ADAMTS6: variants seen among roughly 807,000 people sequenced by gnomAD.
ADAMTS6 encodes the protein ADAM metallopeptidase with thrombospondin type 1 motif 6, also known as A disintegrin and metalloproteinase with thrombospondin motifs 6.
A neutral mutation model predicts 144.3 loss-of-function variants in ADAMTS6; 23 were observed. The observed-to-expected ratio is 0.16, with a 90% CI of 0.11 to 0.23. The LOEUF is 0.23. Among genes scored for constraint, ADAMTS6 ranks in the 10% least tolerant of loss-of-function variants. ADAMTS6 has a pLI of 1.00. For missense variants in ADAMTS6, 999 were observed against 1,379.6 expected (o/e 0.72, Z 4.37); for synonymous variants, 444 against 457.5 (o/e 0.97, Z 0.38).
At chr5:65,316,807 CA>C (rs1242434900) in intron 9 of ADAMTS6, among the ~76,000 whole-genome samples, 2 of 137,426 alleles carry the variant, frequency 1.5e-5, no homozygotes, top group Non-Finnish European at 3.3e-5. Flanking sequence ...ACATAATAAT[CA>C]TTTTTTTTTT....
chr5:65,466,057 T>C (rs966089266), intron 3 of ADAMTS6, among the ~76,000 whole-genome samples: 1 of 152,232 alleles, frequency 6.6e-6, no homozygotes, highest in African/African-American at 2.4e-5. Context: ...CCAACTGAAC[T>C]CATGATATAC....
At chr5:65,281,440 T>G (rs1311485285) in intron 11 of ADAMTS6, among the ~76,000 whole-genome samples, 1 of 152,168 alleles carries the variant, frequency 6.6e-6, no homozygotes, top group Non-Finnish European at 1.5e-5. Context: ...ATTTATAACA[T>G]CTTCACTCAA....
chr5:65,263,622 G>A (rs889651163), intron 12 of ADAMTS6, among the ~76,000 whole-genome samples: 1 of 152,048 alleles, frequency 6.6e-6, no homozygotes, highest in African/African-American at 2.4e-5. Flanking sequence ...TCTACTCTCC[G>A]TAATAAACCA....
At chr5:65,430,479 A>G (rs1272754918) in intron 7 of ADAMTS6, among the ~76,000 whole-genome samples, 1 of 152,166 alleles carries the variant, frequency 6.6e-6, no homozygotes, top group Non-Finnish European at 1.5e-5. Context: ...TTTAAAACCA[A>G]GCAGGACACT....
intron 2 of ADAMTS6, among the ~76,000 whole-genome samples, chr5:65,472,922 T>G (rs1311253651): frequency 6.6e-6 from 1 of 152,148 alleles, no homozygotes; most frequent in Admixed American, 6.5e-5. Flanking sequence ...TACTATGTAT[T>G]CATGGGAGGG....
In ADAMTS6 at chr5:65,148,873, G is replaced by C. The variant is rs1751987367; in HGVS notation, c.*2963C>G. 6.6e-6 allele frequency: 1 copy of C among 152,512 alleles called. No individual in the cohort carries two copies. Among genetic ancestry groups the C allele is most frequent in the Non-Finnish European group, 1.5e-5 (1 of 68,012 alleles). 9.4% of individuals were successfully genotyped at this position (152,512 alleles called of 1,614,324 possible). ...ATTACAAGCAGGAGAATGAATGTAG[G>C]ACAAGTGTTAGGAAACATGGCAATA... On this transcript the variant is annotated 3_prime_UTR_variant, in exon 25 of 25. Coordinates refer to ENST00000381055, the MANE Select transcript of ADAMTS6 (RefSeq NM_197941.4).
chr5:65,211,912 C>T (rs558862209), intron 20 of ADAMTS6, among the ~76,000 whole-genome samples: 15 of 152,260 alleles, frequency 9.9e-5, no homozygotes, highest in South Asian at 2.1e-4. Flanking sequence ...TACTATGTTT[C>T]GGATATTGTT....
intron 22 of ADAMTS6, among the ~76,000 whole-genome samples, chr5:65,184,420 C>T (rs930867710): frequency 2.6e-5 from 4 of 152,170 alleles, no homozygotes; most frequent in African/African-American, 7.2e-5. Context: ...AACACAGTCC[C>T]TTGTAGGTAG....
At chr5:65,386,156 C>A (rs961336360) in intron 7 of ADAMTS6, among the ~76,000 whole-genome samples, 2 of 152,128 alleles carry the variant, frequency 1.3e-5, no homozygotes, top group African/African-American at 4.8e-5. Context: ...ATATGTTTTT[C>A]TTCTCATTGA....
intron 9 of ADAMTS6, among the ~76,000 whole-genome samples, chr5:65,323,189 A>C (rs995815170): frequency 4.0e-5 from 6 of 151,780 alleles, no homozygotes; most frequent in Admixed American, 3.9e-4. Context: ...CTATGTATAC[A>C]TGTGCCATGT....
intron 24 of ADAMTS6, among the ~76,000 whole-genome samples, chr5:65,169,021 C>A (rs1297644981): frequency 1.7e-5 from 2 of 119,784 alleles, no homozygotes; most frequent in African/African-American, 3.2e-5. Flanking sequence ...CAACAAAAGC[C>A]AAAATTGACA....
intron 21 of ADAMTS6, among the ~76,000 whole-genome samples, chr5:65,191,786 A>C (rs181277709): frequency 6.6e-6 from 1 of 152,284 alleles, no homozygotes; most frequent in Admixed American, 6.5e-5. Context: ...TATACAGTCA[A>C]GGTTTTTCTA....
At chr5:65,457,741 CTTTCTTT>C (rs1561560010) in intron 4 of ADAMTS6, among the ~76,000 whole-genome samples, 1 of 122,204 alleles carries the variant, frequency 8.2e-6, no homozygotes, top group Non-Finnish European at 1.7e-5. Context: ...TTTTTTCTTT[CTTTCTTT>C]TTTTTTTTTT....
chr5:65,382,131 A>G (rs995558511), intron 7 of ADAMTS6, among the ~76,000 whole-genome samples: 1 of 152,226 alleles, frequency 6.6e-6, no homozygotes, highest in Non-Finnish European at 1.5e-5. Flanking sequence ...TGGGAGCACA[A>G]GAGTTCTAAA....
At chr5:65,412,237 A>G (rs965353868) in intron 7 of ADAMTS6, among the ~76,000 whole-genome samples, 4 of 152,188 alleles carry the variant, frequency 2.6e-5, no homozygotes, top group African/African-American at 9.7e-5. Flanking sequence ...GGGAATGTTA[A>G]ATACTAAAAG....
chr5:65,375,615 G>C (rs1338765658), intron 7 of ADAMTS6, among the ~76,000 whole-genome samples: 1 of 151,914 alleles, frequency 6.6e-6, no homozygotes. Context: ...AAAACAACAG[G>C]GGCTGAAGAA....
intron 9 of ADAMTS6, 131 bp from the exon 10 acceptor site, chr5:65,300,262 A>G (rs989082892): frequency 4.1e-6 from 3 of 737,152 alleles, no homozygotes; most frequent in Non-Finnish European, 6.4e-6. Flanking sequence ...CAGATCCTCT[A>G]AAGAAATTTA....
intron 20 of ADAMTS6, among the ~76,000 whole-genome samples, chr5:65,202,740 T>C (rs909224062): frequency 3.9e-5 from 6 of 152,216 alleles, no homozygotes; most frequent in African/African-American, 1.4e-4. Flanking sequence ...CCAAACTCTT[T>C]TCATAGCCAA....
intron 6 of ADAMTS6, among the ~76,000 whole-genome samples, chr5:65,451,852 A>C (rs1034972469): frequency 6.6e-6 from 1 of 152,216 alleles, no homozygotes; most frequent in African/African-American, 2.4e-5. Flanking sequence ...TGAGATTATC[A>C]ACACAAAAAC....
Sources: gnomAD v4.1 joint callset for allele counts (sites outside exome capture counted in the v4.1 genomes callset) on GRCh38, gnomAD v4.1.1 for gene constraint, MANE v1.5 for transcripts, NCBI Gene and HGNC (gene_info 2026-07-23, HGNC 2026-07-21) for gene names.